GALNT13: variants seen among roughly 807,000 people sequenced by gnomAD.
The protein encoded by GALNT13 is UDP-GalNAc:polypeptide N-acetylgalactosaminyltransferase 13.
A neutral mutation model predicts 64.2 loss-of-function variants in GALNT13; 28 were observed. That is an observed-to-expected ratio of 0.44 (90% CI 0.32 to 0.60). GALNT13 has a LOEUF of 0.60. GALNT13 is among the 20% of genes least tolerant of loss of function. The pLI, the probability that GALNT13 is intolerant of heterozygous loss-of-function variation, is 0.05. For synonymous variants in GALNT13, 214 were observed against 224.6 expected, an observed-to-expected ratio of 0.95 and a Z score of 0.42; for missense variants, 577 against 669.8, an observed-to-expected ratio of 0.86 and a Z score of 1.53.
chr2:153,227,444 A>T, the GALNT13 span, among the ~76,000 whole-genome samples: 1 of 152,286 alleles, frequency 6.6e-6, no homozygotes, highest in South Asian at 2.1e-4. Flanking sequence ...GTGATGAGGT[A>T]GAGGAACCAG....
At chr2:153,193,337 A>G in the GALNT13 span, among the ~76,000 whole-genome samples, 1 of 151,386 alleles carries the variant, frequency 6.6e-6, no homozygotes, top group Non-Finnish European at 1.5e-5. Context: ...TCAGTAAACT[A>G]TCGCAAGAAC....
At chr2:154,146,282 G>A (rs1190133036) in intron 4 of GALNT13, among the ~76,000 whole-genome samples, 1 of 151,882 alleles carries the variant, frequency 6.6e-6, no homozygotes, top group Non-Finnish European at 1.5e-5. Context: ...AAATAAGAAA[G>A]TAGAGTAACA....
At chr2:153,872,707 C>T (rs1180910528) in intron 1 of GALNT13, among the ~76,000 whole-genome samples, 1 of 150,162 alleles carries the variant, frequency 6.7e-6, no homozygotes, top group Non-Finnish European at 1.5e-5. Context: ...GCCCAGACAA[C>T]TTTCTCGCAC....
chr2:153,255,987 G>A, the GALNT13 span, among the ~76,000 whole-genome samples: 1 of 152,252 alleles, frequency 6.6e-6, no homozygotes, highest in African/African-American at 2.4e-5. Flanking sequence ...GGCGTTCTCT[G>A]TATTTCCTGA....
the GALNT13 span, among the ~76,000 whole-genome samples, chr2:153,367,016 C>T: frequency 6.7e-6 from 1 of 148,192 alleles, no homozygotes; most frequent in Non-Finnish European, 1.5e-5. Flanking sequence ...AACAAACAAA[C>T]AAAAAAAAAA....
chr2:153,291,120 C>G, the GALNT13 span, among the ~76,000 whole-genome samples: 2 of 152,104 alleles, frequency 1.3e-5, no homozygotes, highest in African/African-American at 4.8e-5. Flanking sequence ...TAAAGATCCA[C>G]TAATACTGAC....
chr2:153,748,977 C>T, the GALNT13 span, among the ~76,000 whole-genome samples: 1 of 152,028 alleles, frequency 6.6e-6, no homozygotes, highest in East Asian at 1.9e-4. Context: ...AGACTTAAGG[C>T]TGTAATTCAT....
chr2:153,562,060 C>CTCTCTGTGTG, the GALNT13 span, among the ~76,000 whole-genome samples: 245 of 118,952 alleles, frequency 2.1e-3, 2 homozygotes, highest in African/African-American at 8.2e-3. Flanking sequence ...CTCTCTCTCT[C>CTCTCTGTGTG]TGTGTGTGTG....
the GALNT13 span, among the ~76,000 whole-genome samples, chr2:153,476,453 G>A: frequency 6.6e-6 from 1 of 152,150 alleles, no homozygotes; most frequent in Non-Finnish European, 1.5e-5. Flanking sequence ...AAAATAAACT[G>A]CTCAAAACCT....
In GALNT13 at chr2:154,219,491, T is replaced by G. The variant is rs186614935; in HGVS notation, c.312-22539T>G. On this transcript the variant is annotated intron_variant, in intron 4 of 12. Coordinates refer to ENST00000392825, the MANE Select transcript of GALNT13 (RefSeq NM_052917.4). ...TACATGTAAATCTTTCTACCCATATTATTTTCAAGCAATATTCATACTATC... is the reference window on the plus strand; with the variant it reads ...TACATGTAAATCTTTCTACCCATATGATTTTCAAGCAATATTCATACTATC... Among the ~76,000 whole-genome samples the G allele has an allele frequency of 5.3e-4, 80 of 152,256 alleles. No individual in the cohort carries two copies. In the East Asian group the frequency reaches 0.014, roughly 27 times the overall value.
the GALNT13 span, among the ~76,000 whole-genome samples, chr2:153,800,233 A>C: frequency 0.057 from 8,718 of 152,106 alleles, 293 homozygotes; most frequent in East Asian, 0.13. Context: ...AATTATGTTT[A>C]CCCTACACTG....
At chr2:154,197,513 G>A (rs890231897) in intron 4 of GALNT13, among the ~76,000 whole-genome samples, 14 of 151,880 alleles carry the variant, frequency 9.2e-5, no homozygotes, top group South Asian at 2.1e-4. Flanking sequence ...TCTACCTCAC[G>A]TGATACACAT....
chr2:153,238,676 G>T, the GALNT13 span, among the ~76,000 whole-genome samples: 29 of 148,432 alleles, frequency 2.0e-4, no homozygotes, highest in African/African-American at 7.2e-4. Context: ...TCTCTATTCT[G>T]CTCCATTAGT....
the GALNT13 span, among the ~76,000 whole-genome samples, chr2:153,854,223 A>G: frequency 6.6e-6 from 1 of 151,856 alleles, no homozygotes; most frequent in Admixed American, 6.6e-5. Flanking sequence ...ATATATAGAA[A>G]GCAAATCTTT....
At chr2:153,336,759 ACAT>A in the GALNT13 span, among the ~76,000 whole-genome samples, 1 of 152,114 alleles carries the variant, frequency 6.6e-6, no homozygotes, top group Admixed American at 6.5e-5. Context: ...AAATGCGAGA[ACAT>A]GAGATTTGGA....
chr2:154,438,539 T>C, intron 11 of GALNT13, 53 bp from the exon 12 acceptor site: 1 of 1,397,960 alleles, frequency 7.2e-7, no homozygotes, highest in Non-Finnish European at 1.0e-6. Context: ...ATCTGCTCTA[T>C]TGTGACATTT....
At chr2:153,829,743 ATTAT>A in the GALNT13 span, among the ~76,000 whole-genome samples, 2 of 152,228 alleles carry the variant, frequency 1.3e-5, no homozygotes, top group South Asian at 2.1e-4. Flanking sequence ...CATTTAACTG[ATTAT>A]TTAACCTAGA....
intron 3 of GALNT13, among the ~76,000 whole-genome samples, chr2:153,972,101 C>T (rs969441663): frequency 6.6e-6 from 1 of 152,076 alleles, no homozygotes; most frequent in African/African-American, 2.4e-5. Context: ...AGGAGTTTCT[C>T]CTACTGCCTC....
chr2:153,699,145 CA>C, the GALNT13 span, among the ~76,000 whole-genome samples: 4 of 152,048 alleles, frequency 2.6e-5, no homozygotes, highest in Non-Finnish European at 5.9e-5. Context: ...TCACTTGAAC[CA>C]GGAGGTAGAG....
Sources: gnomAD v4.1 joint callset for allele counts (sites outside exome capture counted in the v4.1 genomes callset) on GRCh38, gnomAD v4.1.1 for gene constraint, MANE v1.5 for transcripts, NCBI Gene and HGNC (gene_info 2026-07-23, HGNC 2026-07-21) for gene names.